Variants in OXTR observed in about 807,000 individuals in gnomAD.
OXTR encodes oxytocin receptor.
A neutral mutation model predicts 23.9 loss-of-function variants in OXTR; 19 were observed. That is an observed-to-expected ratio of 0.80 (90% CI 0.56 to 1.17). The LOEUF is 1.17. OXTR is among the 50% of genes most tolerant of loss of function. The pLI is 0.00. For synonymous variants in OXTR, 278 were observed against 250.5 expected (o/e 1.11, Z -1.04); for missense variants, 500 against 550.7 (o/e 0.91, Z 0.92).
chr3:8,767,353 TG>T lies in OXTR; in HGVS notation c.834del (p.Phe278LeufsTer75). The T allele has an allele frequency of 6.2e-7, 1 of 1,612,334 alleles. No homozygotes were observed. Among genetic ancestry groups the T allele is most frequent in the Non-Finnish European group, 8.5e-7 (1 of 1,179,340 alleles). On this transcript the variant is annotated frameshift_variant, in exon 3 of 4. Coordinates refer to ENST00000316793, the MANE Select transcript of OXTR (RefSeq NM_000916.4). LOFTEE classifies it high-confidence loss of function. ...CACACGATGAAGGCCAGCACGATGATGAAAGTCATCTTGACCGTGCGGATCT... is the reference window on the plus strand; with the variant it reads ...CACACGATGAAGGCCAGCACGATGATAAAGTCATCTTGACCGTGCGGATCT... ...KAKIRTVKMT[F>X]IIVLAFIVCW...
intron 3 of OXTR, among the ~76,000 whole-genome samples, chr3:8,760,918 A>G (rs990793872): frequency 6.6e-6 from 1 of 152,180 alleles, no homozygotes; most frequent in Non-Finnish European, 1.5e-5. Flanking sequence ...AAGCAGAACA[A>G]GGGGTCTAAG....
chr3:8,760,232 C>A (rs1708457871), intron 3 of OXTR, among the ~76,000 whole-genome samples: 1 of 152,226 alleles, frequency 6.6e-6, no homozygotes, highest in African/African-American at 2.4e-5. Flanking sequence ...GCAGGCTCAG[C>A]CCCACACCCG....
Position 8,767,698 on chromosome 3 carries a change from A to G in OXTR, c.490T>C (p.Cys164Arg). The G allele has an allele frequency of 6.2e-7, 1 of 1,609,596 alleles. No individual in the cohort carries two copies. Among genetic ancestry groups the G allele is most frequent in the Non-Finnish European group, 8.5e-7 (1 of 1,178,168 alleles). The change falls in exon 3 of 4, where the codon TGC becomes CGC. Residue 164 changes from cysteine (C) to arginine (R), a missense_variant. Transcript: ENST00000316793. ...ACCTGCGGCGCGCTGGCCACCAGGC[A>G]GCCGAGCCACGTGGCGAGCACTGCC... ...RLAVLATWLGCLVASAPQVHI... is the reference protein window; with the variant it reads ...RLAVLATWLGRLVASAPQVHI...
At chr3:8,748,109 T>A (rs941157310), downstream of OXTR, among the ~76,000 whole-genome samples, 2 of 137,598 alleles carry the variant, frequency 1.5e-5, no homozygotes, top group Non-Finnish European at 3.2e-5. Flanking sequence ...TCTCATAAGA[T>A]ACATAGGGGA....
chr3:8,762,116 C>T (rs1364723798), intron 3 of OXTR, among the ~76,000 whole-genome samples: 1 of 152,204 alleles, frequency 6.6e-6, no homozygotes, highest in East Asian at 1.9e-4. Flanking sequence ...CCCGGGGCCA[C>T]AGACCTCACC....
chr3:8,747,420 T>C (rs1404321727), downstream of OXTR, among the ~76,000 whole-genome samples: 1 of 152,228 alleles, frequency 6.6e-6, no homozygotes, highest in Admixed American at 6.5e-5. Flanking sequence ...TTAACGTTTT[T>C]CTACCCCAGC....
At chr3:8,764,537 G>A (rs1708563962) in intron 3 of OXTR, among the ~76,000 whole-genome samples, 1 of 152,212 alleles carries the variant, frequency 6.6e-6, no homozygotes, top group African/African-American at 2.4e-5. Context: ...AACACTTGCT[G>A]GTAGCCTCTG....
chr3:8,767,516 G>C lies in OXTR; in HGVS notation c.672C>G (p.Ser224Arg). 1.9e-6 allele frequency: 3 copies of C among 1,612,610 alleles called. No individual in the cohort carries two copies. The highest frequency in any genetic ancestry group is 2.5e-6 in the Non-Finnish European group (3 of 1,179,446). The change falls in exon 3 of 4, where the codon AGC becomes AGG. Residue 224 changes from serine (S) to arginine (R), a missense_variant. Coordinates refer to ENST00000316793, the MANE Select transcript of OXTR (RefSeq NM_000916.4). ...IVLAACYGLI[S>R]FKIWQNLRLK... ...GCCGCAAGTTCTGCCAGATCTTGAAGCTGATAAGGCCGTAGCAGGCAGCGA... is the reference window on the plus strand; with the variant it reads ...GCCGCAAGTTCTGCCAGATCTTGAACCTGATAAGGCCGTAGCAGGCAGCGA...
intron 3 of OXTR, among the ~76,000 whole-genome samples, chr3:8,766,341 T>TTCCTCCAAGC (rs1708606361): frequency 3.3e-5 from 5 of 152,076 alleles, no homozygotes; most frequent in Admixed American, 3.3e-4. Flanking sequence ...GGTGCCTCTG[T>TTCCTCCAAGC]TCCTCCAAGC....
chr3:8,748,451 C>T (rs1250854935), downstream of OXTR, among the ~76,000 whole-genome samples: 2 of 152,190 alleles, frequency 1.3e-5, no homozygotes, highest in East Asian at 1.9e-4. Context: ...CCCTTCCACA[C>T]CCTGTCACAG....
At chr3:8,745,855 G>A (rs376749605), downstream of OXTR, 18 of 1,611,828 alleles carry the variant, frequency 1.1e-5, no homozygotes, top group African/African-American at 2.4e-4. This position sits in a 1 kb window ranked among gnomAD's most constrained non-coding sequence, Gnocchi z 4.8. Context: ...TGGTGCTGCG[G>A]AAGGAGGTCT....
At chr3:8,749,049 G>C (rs530932707), downstream of OXTR, among the ~76,000 whole-genome samples, 4 of 152,132 alleles carry the variant, frequency 2.6e-5, no homozygotes, top group African/African-American at 9.6e-5. Context: ...AGGGAAAGGT[G>C]GTTGGCAGAC....
At chr3:8,756,272 A>G (rs751990125) in intron 3 of OXTR, among the ~76,000 whole-genome samples, 3 of 152,220 alleles carry the variant, frequency 2.0e-5, no homozygotes, top group Non-Finnish European at 4.4e-5. Context: ...CTGACCATCA[A>G]AATCACTGCT....
At chr3:8,761,956 G>T (rs1209708945) in intron 3 of OXTR, among the ~76,000 whole-genome samples, 2 of 152,216 alleles carry the variant, frequency 1.3e-5, no homozygotes, top group Non-Finnish European at 2.9e-5. Context: ...GGGGCTGGGG[G>T]CTCTGGCAGG....
At chr3:8,742,463 G>A in the OXTR span, 23 of 456,342 alleles carry the variant, frequency 5.0e-5, no homozygotes, top group African/African-American at 4.6e-4. Context: ...ACTTACTACT[G>A]TAAGGAAAGG....
At chr3:8,749,028 T>C (rs1470480610), downstream of OXTR, among the ~76,000 whole-genome samples, 1 of 151,990 alleles carries the variant, frequency 6.6e-6, no homozygotes, top group African/African-American at 2.4e-5. Flanking sequence ...TGTAAACAAG[T>C]CTGAAACTGT....
chr3:8,768,192 C>A lies in OXTR; in HGVS notation c.-5G>T. 1 of 1,289,762 alleles carries A rather than the reference C, an allele frequency of 7.8e-7. No individual in the cohort carries two copies. The highest frequency in any genetic ancestry group is 2.7e-5 in the South Asian group (1 of 37,666). The allele number at this position is 1,289,762 out of a possible 1,614,324, so 79.9% of individuals were successfully genotyped here. A position where few individuals can be genotyped will look rare whatever the true frequency, so the allele number is the denominator to read the frequency against. ...GGCTGCGAGCGCGCCCTCCATGACC[C>A]TGGCGGCAGCGGTGCGCCCCGGCCT... On this transcript the variant is annotated 5_prime_UTR_variant, in exon 3 of 4. The change creates a new upstream start codon in the 5' untranslated region. Transcript: ENST00000316793. This position sits in a 1 kb window ranked among gnomAD's most constrained non-coding sequence, Gnocchi z 5.4.
intron 3 of OXTR, among the ~76,000 whole-genome samples, chr3:8,759,390 C>T (rs1708441465): frequency 6.6e-6 from 1 of 152,178 alleles, no homozygotes; most frequent in South Asian, 2.1e-4. Context: ...TATTTTCTGA[C>T]ACTCTTTGGC....
rs878955035 is a variant in OXTR, at chr3:8,751,262, T to C, written c.*1715A>G. ...CCTTATTGTTGTGTTATAAGAGTTATTTATATATTCCAGATACAAGCCCCT... is the reference window on the plus strand; with the variant it reads ...CCTTATTGTTGTGTTATAAGAGTTACTTATATATTCCAGATACAAGCCCCT... On this transcript the variant is annotated 3_prime_UTR_variant, in exon 4 of 4. Transcript: ENST00000316793. The C allele has an allele frequency of 6.6e-6, 1 of 152,234 alleles. No individual in the cohort carries two copies. The highest frequency in any genetic ancestry group is 6.5e-5 in the Admixed American group (1 of 15,292). The allele number at this position is 152,234 out of a possible 1,614,324, so 9.4% of individuals were successfully genotyped here.
Sources: allele counts gnomAD v4.1 joint callset (sites outside exome capture counted in the v4.1 genomes callset), GRCh38; gene constraint gnomAD v4.1.1; non-coding constraint Gnocchi (gnomAD v3.1); transcripts MANE v1.5; gene names NCBI Gene and HGNC (gene_info 2026-07-23, HGNC 2026-07-21).